TMEM45A: variants seen among roughly 807,000 people sequenced by gnomAD.
The protein encoded by TMEM45A is DNA polymerase-transactivated protein 4.
In TMEM45A, 25 loss-of-function variants were observed where a neutral mutation model predicts 32.0. The observed-to-expected ratio is 0.78, with a 90% CI of 0.57 to 1.09. The LOEUF is 1.09. Ranked by LOEUF, TMEM45A falls within the 50% of genes least tolerant of loss-of-function variation. The pLI, the probability that TMEM45A is intolerant of heterozygous loss-of-function variation, is 0.00. For missense variants in TMEM45A, 302 were observed against 325.0 expected (o/e 0.93, Z 0.54); for synonymous variants, 122 against 114.8 (o/e 1.06, Z -0.40).
At chr3:100,526,972 A>T (rs1705556409) in intron 1 of TMEM45A, among the ~76,000 whole-genome samples, 2 of 152,246 alleles carry the variant, frequency 1.3e-5, no homozygotes, top group Non-Finnish European at 2.9e-5. Flanking sequence ...TAAAAATCTC[A>T]TATCCTCTAT....
intron 1 of TMEM45A, among the ~76,000 whole-genome samples, chr3:100,542,904 G>A (rs1157237126): frequency 6.6e-6 from 1 of 152,010 alleles, no homozygotes; most frequent in Non-Finnish European, 1.5e-5. Context: ...GGAGGGAGGG[G>A]ACAAGAGTTG....
chr3:100,571,442 C>A (rs1343465784), intron 5 of TMEM45A: 1 of 151,844 alleles, frequency 6.6e-6, no homozygotes, highest in African/African-American at 2.4e-5. Flanking sequence ...TAATTAAATG[C>A]ACCCTAATGA....
At chr3:100,530,152 C>T (rs1343362194) in intron 1 of TMEM45A, among the ~76,000 whole-genome samples, 1 of 152,144 alleles carries the variant, frequency 6.6e-6, no homozygotes, top group Non-Finnish European at 1.5e-5. Flanking sequence ...TTCTTCCATC[C>T]ATTTCTCCTG....
At chr3:100,514,130 A>G (rs1283107621) in intron 1 of TMEM45A, among the ~76,000 whole-genome samples, 1 of 152,194 alleles carries the variant, frequency 6.6e-6, no homozygotes, top group Non-Finnish European at 1.5e-5. Context: ...AACTACTTTA[A>G]AGTTCATATG....
chr3:100,492,940 A>T lies in TMEM45A; in HGVS notation c.-4+12A>T, dbSNP rs1442179503. 2.0e-5 allele frequency: 3 copies of T among 152,048 alleles called. No individual in the cohort carries two copies. Among genetic ancestry groups the T allele is most frequent in the African/African-American group, 7.2e-5 (3 of 41,380 alleles). The allele number at this position is 152,048 out of a possible 1,614,324, so 9.4% of individuals were successfully genotyped here. On this transcript the variant is annotated intron_variant, in intron 1 of 5. Transcript: ENST00000323523. The stretch of plus-strand genomic sequence containing the variant: ...ACAGACCAAGTTGGGTAAGTTTTGG[A>T]TACGTGCTGGATATCATATTTCTCT...
intron 1 of TMEM45A, among the ~76,000 whole-genome samples, chr3:100,535,662 A>G (rs1382647116): frequency 6.6e-6 from 1 of 152,224 alleles, no homozygotes; most frequent in African/African-American, 2.4e-5. Context: ...ATTGGTAGTG[A>G]TGACATCCAA....
chr3:100,562,907 G>T (rs970202789), intron 4 of TMEM45A, among the ~76,000 whole-genome samples: 1 of 152,186 alleles, frequency 6.6e-6, no homozygotes, highest in Non-Finnish European at 1.5e-5. Flanking sequence ...AGTCACCAAT[G>T]TGTCTAGGCT....
chr3:100,517,244 G>C (rs1576265282), intron 1 of TMEM45A, among the ~76,000 whole-genome samples: 1 of 152,122 alleles, frequency 6.6e-6, no homozygotes. Flanking sequence ...AGCCTCCTAA[G>C]TAGCTGGGAT....
intron 1 of TMEM45A, among the ~76,000 whole-genome samples, chr3:100,537,201 G>T (rs568546086): frequency 3.3e-5 from 5 of 152,070 alleles, no homozygotes; most frequent in Non-Finnish European, 7.4e-5. Flanking sequence ...GGGATTACAG[G>T]CATGAGCCAC....
chr3:100,505,857 C>T (rs936398534), intron 1 of TMEM45A, among the ~76,000 whole-genome samples: 1 of 152,142 alleles, frequency 6.6e-6, no homozygotes, highest in African/African-American at 2.4e-5. Flanking sequence ...AATTTCCAGG[C>T]TGAGACTCAG....
chr3:100,513,732 A>C lies in TMEM45A; in HGVS notation c.-4+20804A>C, dbSNP rs9798952. ...GATTGTATATCTAGAAAACCCCATC[A>C]TCTCAGCCCAAAATCTCCATAAGCT... On this transcript the variant is annotated intron_variant, in intron 1 of 5. Transcript: ENST00000323523. 5.1e-3 allele frequency among the ~76,000 whole-genome samples: 781 copies of C among 152,254 alleles called. 17 individuals are homozygous for C. The highest frequency in any genetic ancestry group is 0.032 in the Admixed American group (487 of 15,290).
chr3:100,565,331 T>G (rs2148991474), intron 4 of TMEM45A, among the ~76,000 whole-genome samples: 1 of 152,324 alleles, frequency 6.6e-6, no homozygotes, highest in East Asian at 1.9e-4. Flanking sequence ...ATGGAAGTTT[T>G]CTTTCCAATT....
chr3:100,519,725 A>T, intron 1 of TMEM45A: 1 of 1,069,258 alleles, frequency 9.4e-7, no homozygotes, highest in East Asian at 2.6e-5. Context: ...GACATTGTGC[A>T]AGTAACTTAT....
chr3:100,573,582 A>G (rs916747042), intron 5 of TMEM45A: 1 of 152,150 alleles, frequency 6.6e-6, no homozygotes, highest in Non-Finnish European at 1.5e-5. Flanking sequence ...TCCTAATTGA[A>G]TACCCTTTAT....
intron 1 of TMEM45A, among the ~76,000 whole-genome samples, chr3:100,494,825 C>G (rs1183617831): frequency 6.6e-6 from 1 of 152,100 alleles, no homozygotes; most frequent in Admixed American, 6.5e-5. Flanking sequence ...AGTTACTCAG[C>G]CCCCCTGTGC....
rs1706163664 is a variant in TMEM45A, at chr3:100,554,143, G to T, written c.-3-1066G>T. On this transcript the variant is annotated intron_variant, in intron 1 of 5. Transcript: ENST00000323523. Reference sequence around the variant, plus strand: ...ATGGTATGATATGTTTCAACAAAGGGCTACTCACGTAATTAAAAACTCACA... The same window carrying T: ...ATGGTATGATATGTTTCAACAAAGGTCTACTCACGTAATTAAAAACTCACA... Among the ~76,000 whole-genome samples the T allele has an allele frequency of 2.0e-5, 3 of 151,876 alleles. No homozygotes were observed. The South Asian group carries it at 6.3e-4, about 32-fold the overall frequency.
In TMEM45A at chr3:100,512,184, C is replaced by T. The variant is rs189222266; in HGVS notation, c.-4+19256C>T. Among the ~76,000 whole-genome samples the T allele has an allele frequency of 1.2e-4, 18 of 152,226 alleles. No homozygotes were observed. In the East Asian group the frequency reaches 3.5e-3, roughly 29 times the overall value. ...AACAGAATATACATTTTTTTCAGCA[C>T]CACACCACACCTATTTCAAAATTGA... On this transcript the variant is annotated intron_variant, in intron 1 of 5. Transcript: ENST00000323523.
chr3:100,499,297 G>A (rs1707978179), intron 1 of TMEM45A, among the ~76,000 whole-genome samples: 1 of 151,966 alleles, frequency 6.6e-6, no homozygotes. Context: ...TTTTCCATAT[G>A]CCTTCTTCTG....
chr3:100,540,775 G>A (rs1161194927), intron 1 of TMEM45A, among the ~76,000 whole-genome samples: 1 of 152,146 alleles, frequency 6.6e-6, no homozygotes, highest in Non-Finnish European at 1.5e-5. Flanking sequence ...ATTCACAATT[G>A]TCAACGATGC....
Sources: allele counts gnomAD v4.1 joint callset (sites outside exome capture counted in the v4.1 genomes callset), GRCh38; gene constraint gnomAD v4.1.1; transcripts MANE v1.5; gene names NCBI Gene and HGNC (gene_info 2026-07-23, HGNC 2026-07-21).